Variants in KCNH8 observed in about 807,000 individuals in gnomAD.
KCNH8 encodes voltage-gated delayed rectifier potassium channel KCNH8.
KCNH8 carries 70 observed loss-of-function variants against 103.6 expected under a neutral mutation model. The observed-to-expected ratio is 0.68, with a 90% confidence interval of 0.56 to 0.82. The LOEUF (loss-of-function observed/expected upper bound fraction) is 0.82, where lower values mean the gene tolerates loss of function less well. KCNH8 is among the 40% of genes least tolerant of loss of function. The pLI is 0.00. For missense variants in KCNH8, 1,217 were observed against 1,329.9 expected (o/e 0.92, Z 1.32); for synonymous variants, 498 against 489.4 (o/e 1.02, Z -0.23).
intron 3 of KCNH8, among the ~76,000 whole-genome samples, chr3:19,303,345 G>C (rs1049113222): frequency 6.6e-6 from 1 of 152,064 alleles, no homozygotes; most frequent in African/African-American, 2.4e-5. Flanking sequence ...AAGACAGTAA[G>C]AACAAAATTT....
intron 5 of KCNH8, among the ~76,000 whole-genome samples, chr3:19,359,886 A>G (rs1574966022): frequency 6.6e-6 from 1 of 152,000 alleles, no homozygotes; most frequent in African/African-American, 2.4e-5. Context: ...CTTTGCTTCC[A>G]GAGAGAACCA....
intron 1 of KCNH8, among the ~76,000 whole-genome samples, chr3:19,196,541 T>C (rs2063604276): frequency 6.6e-6 from 1 of 152,038 alleles, no homozygotes; most frequent in South Asian, 2.1e-4. Flanking sequence ...TATGGAGGTC[T>C]CTGTACTGTT....
intron 1 of KCNH8, among the ~76,000 whole-genome samples, chr3:19,242,837 G>C (rs2064159198): frequency 6.6e-6 from 1 of 152,146 alleles, no homozygotes; most frequent in South Asian, 2.1e-4. Context: ...AGATGAGGTG[G>C]ATGAAGTGAA....
chr3:19,253,657 G>T lies in KCNH8; in HGVS notation c.80G>T (p.Ser27Ile). The stretch of plus-strand genomic sequence containing the variant: ...TCTTCTCCTTGTTTTTCTATAGATA[G>T]CAACTTCATCCTTGCCAATGCCCAG... ...TIATRFDGTH[S>I]NFILANAQVA... The change falls in exon 2 of 16, where the codon AGC becomes ATC. Residue 27 changes from serine (S) to isoleucine (I), a missense_variant. Physicochemically the swap from Ser to Ile is moderately radical, Grantham distance 142 (BLOSUM62 -2). Transcript: ENST00000328405. The T allele has an allele frequency of 6.2e-7, 1 of 1,610,312 alleles. No homozygotes were observed. Among genetic ancestry groups the T allele is most frequent in the South Asian group, 1.1e-5 (1 of 90,912 alleles).
At chr3:19,407,773 G>A (rs2066715932) in intron 7 of KCNH8, among the ~76,000 whole-genome samples, 1 of 152,056 alleles carries the variant, frequency 6.6e-6, no homozygotes, top group Non-Finnish European at 1.5e-5. Flanking sequence ...TGCTGTCTCT[G>A]CCCCATGCCT....
chr3:19,258,947 C>CTCTCTCTCTCTATATATATATA (rs1321918245), intron 2 of KCNH8, among the ~76,000 whole-genome samples: 1 of 24,802 alleles, frequency 4.0e-5, no homozygotes, highest in Non-Finnish European at 8.0e-5. Flanking sequence ...CTCTCTCTCT[C>CTCTCTCTCTCTATATATATATA]TATATATATA....
chr3:19,254,031 G>A (rs143497174), intron 2 of KCNH8, 144 bp downstream of exon 2: 303 of 625,440 alleles, frequency 4.8e-4, no homozygotes, highest in African/African-American at 4.2e-3. Context: ...AAATGACTTG[G>A]ATGATAGCCT....
intron 8 of KCNH8, among the ~76,000 whole-genome samples, chr3:19,447,233 A>G (rs560482689): frequency 3.3e-5 from 5 of 152,144 alleles, no homozygotes; most frequent in African/African-American, 9.6e-5. Context: ...ATAACTTTGG[A>G]AAATGAAAGG....
chr3:19,244,414 GTGTTTT>G (rs906866557), intron 1 of KCNH8, among the ~76,000 whole-genome samples: 9 of 152,122 alleles, frequency 5.9e-5, no homozygotes, highest in African/African-American at 7.2e-5. Context: ...ATGAGTGCAC[GTGTTTT>G]TGTTTTTGTT....
intron 7 of KCNH8, among the ~76,000 whole-genome samples, chr3:19,437,287 T>C (rs1404601194): frequency 6.6e-6 from 1 of 152,088 alleles, no homozygotes. Flanking sequence ...GACAAATATT[T>C]TCAATAAAGA....
At chr3:19,465,538 A>G (rs2067717623) in intron 11 of KCNH8, among the ~76,000 whole-genome samples, 1 of 152,126 alleles carries the variant, frequency 6.6e-6, no homozygotes. Context: ...TCTATTCTGT[A>G]GCCCATAGAT....
At chr3:19,154,252 A>G (rs1394997789) in intron 1 of KCNH8, among the ~76,000 whole-genome samples, 2 of 152,136 alleles carry the variant, frequency 1.3e-5, no homozygotes. Flanking sequence ...GCCATTTTGT[A>G]CAGTACTTGT....
intron 15 of KCNH8, among the ~76,000 whole-genome samples, chr3:19,529,870 T>G (rs1197115462): frequency 6.6e-6 from 1 of 152,198 alleles, no homozygotes; most frequent in African/African-American, 2.4e-5. Flanking sequence ...AATTGATTAT[T>G]TCCCTCTAGA....
At chr3:19,374,647 A>G (rs547808874) in intron 5 of KCNH8, among the ~76,000 whole-genome samples, 2 of 151,892 alleles carry the variant, frequency 1.3e-5, no homozygotes, top group East Asian at 3.9e-4. Flanking sequence ...TCCTGTCATT[A>G]TGATGTCAGC....
chr3:19,445,503 C>A (rs1046939145), intron 8 of KCNH8, among the ~76,000 whole-genome samples: 2 of 151,474 alleles, frequency 1.3e-5, no homozygotes, highest in African/African-American at 4.8e-5. Flanking sequence ...TTAATTTTAC[C>A]TTGTAAAATT....
chr3:19,426,190 G>A (rs928734578), intron 7 of KCNH8, among the ~76,000 whole-genome samples: 4 of 152,104 alleles, frequency 2.6e-5, no homozygotes, highest in Admixed American at 2.6e-4. Flanking sequence ...TGCTCCTGCT[G>A]TGCTCTGGTG....
chr3:19,527,945 T>G (rs560514014), intron 15 of KCNH8, among the ~76,000 whole-genome samples: 33 of 152,082 alleles, frequency 2.2e-4, no homozygotes, highest in Non-Finnish European at 3.8e-4. Flanking sequence ...ATCACTTCTT[T>G]TTTTTAACAG....
At chr3:19,215,190 G>C (rs139695788) in intron 1 of KCNH8, among the ~76,000 whole-genome samples, 1 of 152,208 alleles carries the variant, frequency 6.6e-6, no homozygotes, top group East Asian at 1.9e-4. Flanking sequence ...GGGTAGAGTA[G>C]TTCTCCATTT....
At chr3:19,326,382 T>TATAA (rs879457927) in intron 3 of KCNH8, among the ~76,000 whole-genome samples, 21 of 142,562 alleles carry the variant, frequency 1.5e-4, no homozygotes, top group South Asian at 4.4e-4. Context: ...TATATATATA[T>TATAA]AATAAATGAT....
Sources: gnomAD v4.1 joint callset for allele counts (sites outside exome capture counted in the v4.1 genomes callset) on GRCh38, gnomAD v4.1.1 for gene constraint, MANE v1.5 for transcripts, NCBI Gene and HGNC (gene_info 2026-07-23, HGNC 2026-07-21) for gene names.